The following EVA1C variants were observed in gnomAD, a reference collection of about 807,000 sequenced individuals.
EVA1C encodes eva-1 homolog C, also known as protein eva-1 homolog C.
Under a neutral mutation model 45.4 loss-of-function variants are expected in EVA1C, and 25 were observed. The ratio of observed to expected loss-of-function variants is 0.55; its 90% CI spans 0.40 to 0.77. The LOEUF (loss-of-function observed/expected upper bound fraction) is 0.77. Ranked by LOEUF, EVA1C falls within the 30% of genes least tolerant of loss-of-function variation. EVA1C has a pLI of 0.00. For synonymous variants in EVA1C, 190 were observed against 221.2 expected (o/e 0.86, Z 1.25); for missense variants, 479 against 554.8 (o/e 0.86, Z 1.37).
At chr21:32,508,110 C>T (rs1350794756) in intron 7 of EVA1C, among the ~76,000 whole-genome samples, 1 of 152,198 alleles carries the variant, frequency 6.6e-6, no homozygotes, top group African/African-American at 2.4e-5. Context: ...CAGCATGAGC[C>T]ATTGTCCCCT....
intron 1 of EVA1C, among the ~76,000 whole-genome samples, chr21:32,415,739 C>G (rs1568852116): frequency 6.6e-6 from 1 of 152,178 alleles, no homozygotes. Context: ...CGCCTTCTCT[C>G]TCATCTCCAA....
chr21:32,507,439 T>C (rs1480271163), intron 7 of EVA1C, among the ~76,000 whole-genome samples: 1 of 151,518 alleles, frequency 6.6e-6, no homozygotes, highest in African/African-American at 2.4e-5. Flanking sequence ...TGTGTGTGCA[T>C]AGGTGTCTAT....
chr21:32,501,366 A>G (rs745364554), intron 5 of EVA1C, 49 bp from the exon 6 acceptor site: 3 of 1,529,786 alleles, frequency 2.0e-6, no homozygotes, highest in Non-Finnish European at 2.7e-6. Flanking sequence ...AAGAGTCCAC[A>G]TTTTAAAAAT....
chr21:32,422,558 G>A (rs1414506345), intron 1 of EVA1C, among the ~76,000 whole-genome samples: 1 of 152,154 alleles, frequency 6.6e-6, no homozygotes, highest in Non-Finnish European at 1.5e-5. Flanking sequence ...TAAAGACAAA[G>A]TGACAGTCTT....
chr21:32,501,534 T>C (rs765284411), intron 6 of EVA1C, 39 bp downstream of exon 6: 52 of 1,590,756 alleles, frequency 3.3e-5, no homozygotes, highest in Non-Finnish European at 3.2e-5. Flanking sequence ...TCTCTTTAAG[T>C]AAAGGTAAAC....
In EVA1C at chr21:32,514,819, C is replaced by G. The variant is rs1373046739; in HGVS notation, c.955C>G (p.Pro319Ala). Residue 319 changes from proline to alanine, a missense_variant, in exon 8 of 8, where the codon CCG (proline) becomes GCG (alanine). By Grantham distance (27) the Pro-to-Ala change is conservative. Around this residue, in one of 3 missense-constraint regions of EVA1C, gnomAD observed 366 missense variants for 426.1 expected, o/e 0.86. Transcript: ENST00000300255. ...LAAFAYIRAH[P>A]ERAALLFVSS... is the part of the protein sequence containing the mutation. ...ATGTTCTCTTCCTCCTGCAGCCCACCCGGAGAGAGCTGCCCTGCTGTTCGT... is the reference window on the plus strand; with the variant it reads ...ATGTTCTCTTCCTCCTGCAGCCCACGCGGAGAGAGCTGCCCTGCTGTTCGT... 1 of 1,554,986 alleles carries G rather than the reference C, an allele frequency of 6.4e-7. No individual in the cohort carries two copies. Among genetic ancestry groups the G allele is most frequent in the Non-Finnish European group, 8.7e-7 (1 of 1,149,010 alleles).
chr21:32,451,961 C>T lies in EVA1C; in HGVS notation c.161-1351C>T, dbSNP rs542104170. ...CATTCAACCCACAGCAGAGCCCCAC[C>T]ATCGCCTCCCTGCACCACGCCCTTG... On this transcript the variant is annotated intron_variant, in intron 1 of 7. Coordinates refer to ENST00000300255, the MANE Select transcript of EVA1C (RefSeq NM_058187.5). 2.3e-4 allele frequency among the ~76,000 whole-genome samples: 35 copies of T among 152,288 alleles called. 1 individual carries two copies. In the South Asian group the frequency reaches 6.4e-3, roughly 28 times the overall value.
chr21:32,453,604 A>G lies in EVA1C; in HGVS notation c.357+96A>G, dbSNP rs181177902. Reference sequence around the variant, plus strand: ...AATATATTTGTGATTATATAGTTCAATCCAAGCAAAACTGATCCATGAAAA... The same window carrying G: ...AATATATTTGTGATTATATAGTTCAGTCCAAGCAAAACTGATCCATGAAAA... On this transcript the variant is annotated intron_variant, in intron 2 of 7. Transcript: ENST00000300255. 1,887 of 946,048 alleles carry G rather than the reference A, an allele frequency of 2.0e-3. 26 individuals are homozygous for G. The African/African-American group carries it at 0.027, about 14-fold the overall frequency. 58.6% of individuals were successfully genotyped at this position (946,048 alleles called of 1,614,324 possible).
chr21:32,498,301 C>T (rs2037418331), intron 5 of EVA1C, among the ~76,000 whole-genome samples: 1 of 152,104 alleles, frequency 6.6e-6, no homozygotes, highest in Non-Finnish European at 1.5e-5. Flanking sequence ...ACAAAATTAT[C>T]TGGGCATGAT....
chr21:32,489,043 G>C (rs145663532), intron 4 of EVA1C, among the ~76,000 whole-genome samples: 1 of 152,112 alleles, frequency 6.6e-6, no homozygotes, highest in Non-Finnish European at 1.5e-5. Flanking sequence ...ATATTTTCTC[G>C]CAATCTGTAG....
chr21:32,422,543 A>C (rs1299499703), intron 1 of EVA1C, among the ~76,000 whole-genome samples: 1 of 152,242 alleles, frequency 6.6e-6, no homozygotes, highest in Admixed American at 6.5e-5. Flanking sequence ...GAAACTGTAA[A>C]ATACTAAAGA....
intron 4 of EVA1C, among the ~76,000 whole-genome samples, chr21:32,480,255 C>G (rs1305408536): frequency 7.2e-6 from 1 of 138,844 alleles, no homozygotes; most frequent in Admixed American, 7.9e-5. Context: ...GAGCAATAAT[C>G]GTGCCACTAC....
At chr21:32,446,753 G>T (rs2035377144) in intron 1 of EVA1C, among the ~76,000 whole-genome samples, 1 of 152,192 alleles carries the variant, frequency 6.6e-6, no homozygotes. Flanking sequence ...CTGGTCCACA[G>T]GGCATCTTCA....
Position 32,450,416 on chromosome 21 carries a change from A to G in EVA1C, c.161-2896A>G, listed in dbSNP as rs1237101423. ...TTTTTTTCATCTAGCTACAGTGACA[A>G]GATCTTTTGGATAAGCCATGAATAT... On this transcript the variant is annotated intron_variant, in intron 1 of 7. Transcript: ENST00000300255. Among the ~76,000 whole-genome samples the G allele has an allele frequency of 2.6e-5, 4 of 151,436 alleles. No homozygotes were observed. The East Asian group carries it at 7.8e-4, about 29-fold the overall frequency.
rs548646804 is a variant in EVA1C, at chr21:32,467,834, G to A, written c.620G>A (p.Arg207Gln). 13 of 1,608,846 alleles carry A rather than the reference G, an allele frequency of 8.1e-6. No individual in the cohort carries two copies. The highest frequency in any genetic ancestry group is 1.1e-5 in the South Asian group (1 of 90,214). ...ERDICSSKAERLPPFDCLSYS... is the reference protein window; with the variant it reads ...ERDICSSKAEQLPPFDCLSYS... Reference sequence around the variant, plus strand: ...GACATCTGCTCCTCCAAGGCAGAGCGGCTCCCCCCTTTCGGTATGTGCTTT... The same window carrying A: ...GACATCTGCTCCTCCAAGGCAGAGCAGCTCCCCCCTTTCGGTATGTGCTTT... Residue 207 changes from arginine (R) to glutamine (Q), a missense_variant, in exon 4 of 8, where the codon CGG (arginine) becomes CAG (glutamine). By Grantham distance (43) the Arg-to-Gln change is conservative (BLOSUM62 1). Transcript: ENST00000300255.
intron 4 of EVA1C, among the ~76,000 whole-genome samples, chr21:32,472,487 T>C (rs375133068): frequency 3.9e-5 from 6 of 152,122 alleles, no homozygotes; most frequent in Admixed American, 3.3e-4. Flanking sequence ...AGGAAAAGTA[T>C]ACCAGACGCA....
At chr21:32,513,116 ATACT>A (rs138421047) in intron 7 of EVA1C, among the ~76,000 whole-genome samples, 8,006 of 149,734 alleles carry the variant, frequency 0.053, 247 homozygotes, top group South Asian at 0.077. Flanking sequence ...AAGTATTATA[ATACT>A]TACAATGATA....
At chr21:32,432,859 T>C (rs2034766146) in intron 1 of EVA1C, among the ~76,000 whole-genome samples, 1 of 151,910 alleles carries the variant, frequency 6.6e-6, no homozygotes, top group Admixed American at 6.6e-5. Context: ...TAGCTGGGAC[T>C]ACAGGTGTGC....
At chr21:32,484,210 C>T (rs1298100660) in intron 4 of EVA1C, among the ~76,000 whole-genome samples, 5 of 152,060 alleles carry the variant, frequency 3.3e-5, no homozygotes, top group Non-Finnish European at 7.4e-5. Context: ...GAACATAGTT[C>T]GATGTTGATG....
Sources: allele counts gnomAD v4.1 joint callset (sites outside exome capture counted in the v4.1 genomes callset), GRCh38; gene constraint gnomAD v4.1.1; regional missense constraint gnomAD v4.1.1; transcripts MANE v1.5; gene names NCBI Gene and HGNC (gene_info 2026-07-23, HGNC 2026-07-21).